The following CSPP1 variants were observed in gnomAD, a reference collection of about 807,000 sequenced individuals.
CSPP1 encodes the protein centrosome and spindle pole-associated protein 1.
In CSPP1, 126 loss-of-function variants were observed where a neutral mutation model predicts 164.4. That is an observed-to-expected ratio of 0.77 (90% confidence interval 0.66 to 0.89). CSPP1 has a LOEUF of 0.89. CSPP1 is among the 40% of genes least tolerant of loss of function. The probability of loss-of-function intolerance (pLI) is 0.00; values close to 1 mark genes in which losing one functional copy is unlikely to be tolerated. For synonymous variants in CSPP1, 472 were observed against 476.7 expected (o/e 0.99, Z 0.13); for missense variants, 1,395 against 1,449.8 (o/e 0.96, Z 0.61).
chr8:67,167,031 C>G (rs568140736), intron 24 of CSPP1, among the ~76,000 whole-genome samples: 8 of 152,076 alleles, frequency 5.3e-5, no homozygotes, highest in Admixed American at 6.6e-5. Flanking sequence ...CAGAGAGCAC[C>G]GGGTTGGGGG....
chr8:67,138,030 A>C (rs1004307761), intron 17 of CSPP1, among the ~76,000 whole-genome samples: 1 of 152,218 alleles, frequency 6.6e-6, no homozygotes, highest in African/African-American at 2.4e-5. Flanking sequence ...TTATCTATGC[A>C]ATATACCTGC....
intron 12 of CSPP1, 111 bp downstream of exon 12, chr8:67,114,481 C>T (rs1373664692): frequency 6.6e-6 from 1 of 152,504 alleles, no homozygotes; most frequent in African/African-American, 2.4e-5. Context: ...CCTTTAATTT[C>T]ATTAAAAAGC....
chr8:67,066,155 G>A (rs954909897), intron 1 of CSPP1, among the ~76,000 whole-genome samples: 4 of 152,074 alleles, frequency 2.6e-5, no homozygotes, highest in African/African-American at 9.7e-5. Flanking sequence ...CTTCAACATG[G>A]TTTTATATAT....
At chr8:67,085,918 T>G in intron 3 of CSPP1, 89 bp from the exon 4 acceptor site, 1 of 702,916 alleles carries the variant, frequency 1.4e-6, no homozygotes. Flanking sequence ...AGCATAATTC[T>G]GTTCCTTCTT....
At position 67,155,774 on chromosome 8, in the gene CSPP1, G is replaced by T. The variant is rs144280840; in HGVS notation, c.2241+1638G>T. On this transcript the variant is annotated intron_variant, in intron 19 of 30. Coordinates refer to ENST00000678616, the MANE Select transcript of CSPP1 (RefSeq NM_001382391.1). ...TTTATTCTTGCCTGGGTGACAGAGT[G>T]AAAAAAGGATGATTGATGTGACATC... Among the ~76,000 whole-genome samples the T allele has an allele frequency of 3.1e-3, 471 of 152,022 alleles. 5 individuals carry two copies. The highest frequency in any genetic ancestry group is 0.014 in the Middle Eastern group (4 of 294).
intron 17 of CSPP1, among the ~76,000 whole-genome samples, chr8:67,147,945 G>A (rs1364310082): frequency 6.6e-6 from 1 of 151,596 alleles, no homozygotes; most frequent in Non-Finnish European, 1.5e-5. Flanking sequence ...TTTTGAGACA[G>A]TCTCACTCTG....
intron 17 of CSPP1, among the ~76,000 whole-genome samples, chr8:67,146,862 T>A (rs1052624349): frequency 6.6e-6 from 1 of 152,236 alleles, no homozygotes; most frequent in Non-Finnish European, 1.5e-5. Flanking sequence ...AAGTCCTATC[T>A]TTGCAGTTGA....
rs1384675767 is a variant in CSPP1, at chr8:67,137,535, G to A, written c.1907G>A (p.Arg636Lys). The change falls in exon 17 of 31, where the codon AGA (arginine) becomes AAA (lysine). Residue 636 changes from arginine to lysine, a missense_variant. By Grantham distance (26) the Arg-to-Lys change is conservative. Transcript: ENST00000678616. ...GAAGCTAAATTAGAAGCTGAAATGA[G>A]AACATATAATCCCTGGGGAAAAGGT... is the stretch of plus-strand genomic sequence containing the variant. ...EYEAKLEAEM[R>K]TYNPWGKGGG... The A allele has an allele frequency of 6.3e-7, 1 of 1,596,988 alleles. No individual in the cohort carries two copies. Among genetic ancestry groups the A allele is most frequent in the Admixed American group, 1.7e-5 (1 of 58,258 alleles).
intron 3 of CSPP1, 49 bp from the exon 4 acceptor site, chr8:67,085,958 T>C: frequency 1.2e-6 from 1 of 817,724 alleles, no homozygotes; most frequent in Non-Finnish European, 2.2e-6. Context: ...AGTAGAACTT[T>C]GAGATTGGTT....
chr8:67,126,729 G>A (rs970223445), intron 15 of CSPP1, among the ~76,000 whole-genome samples: 47 of 152,122 alleles, frequency 3.1e-4, no homozygotes, highest in African/African-American at 1.1e-3. Context: ...ATATGTTGGA[G>A]CTTTTCAAGA....
chr8:67,190,908 C>A, intron 29 of CSPP1, 149 bp downstream of exon 29: 1 of 611,132 alleles, frequency 1.6e-6, no homozygotes, highest in Non-Finnish European at 2.9e-6. Flanking sequence ...GACTGGATGA[C>A]CTTGGGTAGC....
intron 17 of CSPP1, among the ~76,000 whole-genome samples, chr8:67,146,669 C>G (rs1295257982): frequency 6.6e-6 from 1 of 152,168 alleles, no homozygotes; most frequent in Non-Finnish European, 1.5e-5. Flanking sequence ...TAACATTTAA[C>G]ATATCTCAGC....
At position 67,152,513 on chromosome 8, in the gene CSPP1, G is replaced by C. The variant is rs1043016615; in HGVS notation, c.2129-1511G>C. On this transcript the variant is annotated intron_variant, in intron 18 of 30. Transcript: ENST00000678616. Reference sequence around the variant, plus strand: ...TACATTTCTGCTTTCTTTGTATATAGCAAGTGTTTCCCTATGATTTTCCTT... The same window carrying C: ...TACATTTCTGCTTTCTTTGTATATACCAAGTGTTTCCCTATGATTTTCCTT... 5.3e-5 allele frequency among the ~76,000 whole-genome samples: 8 copies of C among 152,148 alleles called. No individual in the cohort carries two copies. In the South Asian group the frequency reaches 1.2e-3, roughly 24 times the overall value.
Position 67,113,711 on chromosome 8 carries a change from CATAGACTTTGTGT to C in CSPP1, c.1188-90_1188-78del, listed in dbSNP as rs1483245612. ...ATTATTTGTTTTTGTAGATGTAGTG[CATAGACTTTGTGT>C]ATAAGCTTCTTTCAGTGATGATTTA... On this transcript the variant is annotated intron_variant, in intron 10 of 30. Coordinates refer to ENST00000678616, the MANE Select transcript of CSPP1 (RefSeq NM_001382391.1). 4 of 663,260 alleles carry C rather than the reference CATAGACTTTGTGT, an allele frequency of 6.0e-6. No homozygotes were observed. The African/African-American group carries it at 7.4e-5, about 12-fold the overall frequency. 41.1% of individuals were successfully genotyped at this position (663,260 alleles called of 1,614,324 possible). A position where few individuals can be genotyped will look rare whatever the true frequency, so the allele number is the denominator to read the frequency against.
intron 21 of CSPP1, among the ~76,000 whole-genome samples, chr8:67,159,934 C>T (rs1422584345): frequency 3.1e-4 from 14 of 44,992 alleles, no homozygotes; most frequent in Admixed American, 5.0e-4. Flanking sequence ...CCTTTCCTTC[C>T]TTCCTTCCTT....
intron 28 of CSPP1, among the ~76,000 whole-genome samples, chr8:67,185,327 G>C (rs1834284310): frequency 6.6e-6 from 1 of 152,182 alleles, no homozygotes; most frequent in African/African-American, 2.4e-5. Flanking sequence ...GGCCGACAAA[G>C]ATTATCACTT....
intron 19 of CSPP1, among the ~76,000 whole-genome samples, chr8:67,157,312 T>G (rs894742948): frequency 6.6e-6 from 1 of 151,710 alleles, no homozygotes; most frequent in African/African-American, 2.4e-5. Flanking sequence ...TTTTTTTTTT[T>G]AAAGACAGAG....
At chr8:67,142,948 T>A (rs1414695087) in intron 17 of CSPP1, among the ~76,000 whole-genome samples, 1 of 152,178 alleles carries the variant, frequency 6.6e-6, no homozygotes, top group African/African-American at 2.4e-5. Flanking sequence ...GTAGAGAGTA[T>A]CCTTCACCTT....
At chr8:67,178,076 C>CAT (rs1160843110) in intron 27 of CSPP1, among the ~76,000 whole-genome samples, 1 of 152,004 alleles carries the variant, frequency 6.6e-6, no homozygotes, top group African/African-American at 2.4e-5. Context: ...ACAGGCCTGG[C>CAT]ATATAAGTTT....
Sources: allele counts gnomAD v4.1 joint callset (sites outside exome capture counted in the v4.1 genomes callset), GRCh38; gene constraint gnomAD v4.1.1; transcripts MANE v1.5; gene names NCBI Gene and HGNC (gene_info 2026-07-23, HGNC 2026-07-21).